Variants in CNNM4 observed in about 807,000 individuals in gnomAD.
CNNM4 encodes cyclin and CBS domain divalent metal cation transport mediator 4.
In CNNM4, 32 loss-of-function variants were observed where a neutral mutation model predicts 53.7. The observed-to-expected ratio is 0.60, with a 90% CI of 0.45 to 0.80. CNNM4 has a LOEUF of 0.80. Among genes scored for constraint, CNNM4 ranks in the 30% least tolerant of loss-of-function variants. The pLI is 0.00. For missense variants in CNNM4, 784 were observed against 1,022.0 expected (o/e 0.77, Z 3.17); for synonymous variants, 410 against 440.0 (o/e 0.93, Z 0.85).
At chr2:96,805,532 G>A (rs1217604445) in intron 5 of CNNM4, among the ~76,000 whole-genome samples, 1 of 128,386 alleles carries the variant, frequency 7.8e-6, no homozygotes, top group Non-Finnish European at 1.6e-5. Flanking sequence ...ATAGTGGAGG[G>A]AAGGTCAGCA....
chr2:96,797,658 G>T lies in CNNM4; in HGVS notation c.1681+11G>T. 1 of 1,613,778 alleles carries T rather than the reference G, an allele frequency of 6.2e-7. No homozygotes were observed. The highest frequency in any genetic ancestry group is 1.7e-5 in the Admixed American group (1 of 60,010). On this transcript the variant is annotated intron_variant, in intron 3 of 6. Transcript: ENST00000377075. The surrounding 1 kb of genome is among the most constrained non-coding windows in gnomAD (Gnocchi z 6.0). ...GCTTCCTAGCCACAGGTAGCATGAG[G>T]AGGACCTTCCGGTCTTGGTGGAAAT...
At chr2:96,788,310 A>G (rs1037099009) in intron 1 of CNNM4, among the ~76,000 whole-genome samples, 3 of 147,600 alleles carry the variant, frequency 2.0e-5, no homozygotes, top group African/African-American at 7.6e-5. Context: ...TCTAGCGAGT[A>G]TAGAGTGTAT....
In CNNM4 at chr2:96,761,335, C is replaced by G. The variant is rs2078759487; in HGVS notation, c.336C>G (p.Thr112=). The part of the protein sequence containing the change: ...LHKSTSCLEL[T]KDLVVQQLVN... ...AGTCCACCAGCTGCCTCGAGCTCAC[C>G]AAGGACCTGGTCGTCCAGCAGCTGG... Residue 112 remains threonine, a synonymous_variant, in exon 1 of 7, where the codon ACC becomes ACG. Transcript: ENST00000377075. This position sits in a 1 kb window ranked among gnomAD's most constrained non-coding sequence, Gnocchi z 6.0. 6.2e-7 allele frequency: 1 copy of G among 1,614,120 alleles called. No homozygotes were observed. Among genetic ancestry groups the G allele is most frequent in the Non-Finnish European group, 8.5e-7 (1 of 1,180,042 alleles).
chr2:96,799,915 T>C (rs565459916), intron 5 of CNNM4, among the ~76,000 whole-genome samples: 2 of 152,204 alleles, frequency 1.3e-5, no homozygotes, highest in African/African-American at 2.4e-5. Context: ...GCGGAGGGCA[T>C]GTCCAGAGGT....
intron 1 of CNNM4, among the ~76,000 whole-genome samples, chr2:96,769,505 A>C (rs2078849262): frequency 6.6e-6 from 1 of 150,520 alleles, no homozygotes; most frequent in South Asian, 2.1e-4. Context: ...CGGAGGTTGC[A>C]GTGAGCCGAG....
Position 96,761,610 on chromosome 2 carries a change from T to A in CNNM4, c.611T>A (p.Leu204His). 6.2e-7 allele frequency: 1 copy of A among 1,614,088 alleles called. No homozygotes were observed. The highest frequency in any genetic ancestry group is 8.5e-7 in the Non-Finnish European group (1 of 1,180,010). Residue 204 changes from leucine (L) to histidine (H), a missense_variant, in exon 1 of 7, where the codon CTC (leucine) becomes CAC (histidine). Transcript: ENST00000377075. This position sits in a 1 kb window ranked among gnomAD's most constrained non-coding sequence, Gnocchi z 6.0. ...VLSGIFSGLN[L>H]GLMALDPMEL... ...TCGGGCATATTTTCTGGCCTCAACC[T>A]CGGGCTTATGGCCCTGGACCCCATG... is the stretch of plus-strand genomic sequence containing the variant.
chr2:96,770,157 C>T (rs1459504678), intron 1 of CNNM4, among the ~76,000 whole-genome samples: 2 of 152,244 alleles, frequency 1.3e-5, no homozygotes, highest in Non-Finnish European at 2.9e-5. Flanking sequence ...TGACAGTTCT[C>T]TTCTCAGAGC....
At chr2:96,790,743 G>A (rs1213839432) in intron 1 of CNNM4, among the ~76,000 whole-genome samples, 3 of 151,382 alleles carry the variant, frequency 2.0e-5, no homozygotes, top group South Asian at 2.1e-4. Context: ...ACTTTGGGAG[G>A]CCGAGGTGGG....
At chr2:96,791,320 A>G (rs1010468092) in intron 1 of CNNM4, among the ~76,000 whole-genome samples, 2 of 151,624 alleles carry the variant, frequency 1.3e-5, no homozygotes, top group Non-Finnish European at 2.9e-5. Context: ...TGTCCATTCA[A>G]TTGGCTGATT....
In CNNM4 at chr2:96,761,261, A is replaced by G; in HGVS notation, c.262A>G (p.Ser88Gly). 9 of 1,614,064 alleles carry G rather than the reference A, an allele frequency of 5.6e-6. No individual in the cohort carries two copies. Among genetic ancestry groups the G allele is most frequent in the Non-Finnish European group, 7.6e-6 (9 of 1,179,994 alleles). Reference protein sequence around the residue: ...LYGYSLGNISSNLISFTEVDD... With the variant: ...LYGYSLGNISGNLISFTEVDD... ...CGGCTACAGCCTGGGCAACATCTCC[A>G]GCAACCTGATCTCCTTCACCGAGGT... The change falls in exon 1 of 7, where the codon AGC becomes GGC. Residue 88 changes from serine (S) to glycine (G), a missense_variant. Physicochemically the swap from Ser to Gly is moderately conservative, Grantham distance 56. This residue lies in a region of CNNM4 where 473 missense variants were observed against 624.6 expected (regional missense o/e 0.76). Transcript: ENST00000377075. This position sits in a 1 kb window ranked among gnomAD's most constrained non-coding sequence, Gnocchi z 6.0.
In CNNM4 at chr2:96,761,818, C is replaced by A. The variant is rs2078767099; in HGVS notation, c.819C>A (p.Ala273=). 1.2e-6 allele frequency: 2 copies of A among 1,613,906 alleles called. No individual in the cohort carries two copies. The highest frequency in any genetic ancestry group is 2.7e-5 in the African/African-American group (2 of 74,930). ...TCGGGTCCGGCCTCATGGCGGTGGCCTCCTCCACCATTGGCATTGTCATCT... is the reference window on the plus strand; with the variant it reads ...TCGGGTCCGGCCTCATGGCGGTGGCATCCTCCACCATTGGCATTGTCATCT... ...NLIGSGLMAV[A]SSTIGIVIFG... Residue 273 remains alanine (A), a synonymous_variant, in exon 1 of 7, where the codon GCC becomes GCA. Transcript: ENST00000377075. The surrounding 1 kb of genome is among the most constrained non-coding windows in gnomAD (Gnocchi z 6.0).
chr2:96,805,033 ATTGT>A (rs1013315080), intron 5 of CNNM4, among the ~76,000 whole-genome samples: 25 of 152,148 alleles, frequency 1.6e-4, no homozygotes, highest in Admixed American at 5.2e-4. Flanking sequence ...AAGAAAATAA[ATTGT>A]TTATTTTAAA....
At chr2:96,767,109 C>T (rs112693373) in intron 1 of CNNM4, among the ~76,000 whole-genome samples, 15 of 152,100 alleles carry the variant, frequency 9.9e-5, no homozygotes, top group East Asian at 3.9e-4. Flanking sequence ...CACTTAGAGA[C>T]GGGCTAGGGG....
In CNNM4 at chr2:96,801,627, CGCAGAGAGACCACACACAT is replaced by C. The variant is rs1381895531; in HGVS notation, c.1948+1998_1948+2016del. Among the ~76,000 whole-genome samples, 13 of 145,002 alleles carry C rather than the reference CGCAGAGAGACCACACACAT, an allele frequency of 9.0e-5. No individual in the cohort carries two copies. The highest frequency in any genetic ancestry group is 2.9e-4 in the African/African-American group (11 of 38,172). The stretch of plus-strand genomic sequence containing the variant: ...ACAGAGACCACACACAGAGACCACA[CGCAGAGAGACCACACACAT>C]GCAGAGAGACCACACACACACACAC... On this transcript the variant is annotated intron_variant, in intron 5 of 6. Transcript: ENST00000377075. This position sits in a 1 kb window ranked among gnomAD's most constrained non-coding sequence, Gnocchi z 5.6.
chr2:96,762,500 ACT>A, intron 1 of CNNM4, 99 bp downstream of exon 1: 1 of 1,157,788 alleles, frequency 8.6e-7, no homozygotes, highest in Non-Finnish European at 1.3e-6. Flanking sequence ...TGTTTGTGTG[ACT>A]CTGTGTCCCT....
intron 1 of CNNM4, among the ~76,000 whole-genome samples, chr2:96,767,668 G>A (rs2078830917): frequency 6.6e-6 from 1 of 152,180 alleles, no homozygotes; most frequent in Non-Finnish European, 1.5e-5. Flanking sequence ...AGACCTGGGT[G>A]TAACTCCAGC....
chr2:96,802,185 C>G (rs2079166079), intron 5 of CNNM4, among the ~76,000 whole-genome samples: 1 of 151,994 alleles, frequency 6.6e-6, no homozygotes, highest in Non-Finnish European at 1.5e-5. Flanking sequence ...CACACACACA[C>G]AGATACCACA....
chr2:96,768,751 T>A (rs530299377), intron 1 of CNNM4, among the ~76,000 whole-genome samples: 10 of 152,352 alleles, frequency 6.6e-5, no homozygotes, highest in African/African-American at 2.4e-4. Context: ...CACACTCGAC[T>A]GCCTGGACAT....
chr2:96,797,736 G>A lies in CNNM4; in HGVS notation c.1681+89G>A, dbSNP rs1313479447. On this transcript the variant is annotated intron_variant, in intron 3 of 6. Transcript: ENST00000377075. This position sits in a 1 kb window ranked among gnomAD's most constrained non-coding sequence, Gnocchi z 6.0. ...TCCGGCTGCTTTCCCCCCATAGGAC[G>A]AGGGCTGCAGCAGGTGAGGGGTGCA... 1.5e-5 allele frequency: 24 copies of A among 1,558,662 alleles called. No homozygotes were observed. The highest frequency in any genetic ancestry group is 5.4e-5 in the Admixed American group (3 of 55,718).
Sources: gnomAD v4.1 joint callset for allele counts (sites outside exome capture counted in the v4.1 genomes callset) on GRCh38, gnomAD v4.1.1 for gene constraint, gnomAD v4.1.1 regional missense constraint, Gnocchi (gnomAD v3.1) non-coding constraint, MANE v1.5 for transcripts, NCBI Gene and HGNC (gene_info 2026-07-23, HGNC 2026-07-21) for gene names.